TRERF1: variants seen among roughly 807,000 people sequenced by gnomAD.
TRERF1 encodes the protein transcriptional regulating factor 1.
TRERF1 carries 27 observed loss-of-function variants against 122.9 expected under a neutral mutation model. The ratio of observed to expected loss-of-function variants is 0.22; its 90% CI spans 0.16 to 0.30. The LOEUF (loss-of-function observed/expected upper bound fraction) is 0.30, where lower values mean the gene tolerates loss of function less well. Among genes scored for constraint, TRERF1 ranks in the 10% least tolerant of loss-of-function variants. The probability of loss-of-function intolerance (pLI) is 1.00; values close to 1 mark genes in which losing one functional copy is unlikely to be tolerated. For missense variants in TRERF1, 1,248 were observed against 1,560.3 expected, an observed-to-expected ratio of 0.80 and a Z score of 3.37; for synonymous variants, 636 against 641.7, an observed-to-expected ratio of 0.99 and a Z score of 0.13.
chr6:42,408,375 T>TTA (rs1421339377), intron 2 of TRERF1, among the ~76,000 whole-genome samples: 1 of 124,966 alleles, frequency 8.0e-6, no homozygotes, highest in Non-Finnish European at 1.7e-5. Context: ...ATATATATCT[T>TTA]TTTTTTTTTT....
At chr6:42,236,270 G>A in exon 16 of TRERF1, 6 of 1,612,816 alleles carry the variant, frequency 3.7e-6, no homozygotes, top group Non-Finnish European at 5.1e-6. Context: ...TGCAGGGGCG[G>A]CCCCTCCGTG....
chr6:42,268,854 T>G lies in TRERF1; in HGVS notation c.737A>C (p.Gln246Pro). 6.2e-7 allele frequency: 1 copy of G among 1,614,148 alleles called. No homozygotes were observed. Among genetic ancestry groups the G allele is most frequent in the Non-Finnish European group, 8.5e-7 (1 of 1,180,014 alleles). Residue 246 changes from glutamine (Q) to proline (P), a missense_variant, in exon 5 of 18, where the codon CAG (glutamine) becomes CCG (proline). This residue lies in a region of TRERF1 where 946 missense variants were observed against 1,073.0 expected (regional missense o/e 0.88). Transcript: ENST00000372922. This position sits in a 1 kb window ranked among gnomAD's most constrained non-coding sequence, Gnocchi z 4.4. Reference sequence around the variant, plus strand: ...TGGGGCCTGCAGTGGCTGTCCTCCCTGCACTGGCACCTGAGCCAGAGGCTG... The same window carrying G: ...TGGGGCCTGCAGTGGCTGTCCTCCCGGCACTGGCACCTGAGCCAGAGGCTG...
chr6:42,416,901 TG>T (rs1363912835), intron 2 of TRERF1, among the ~76,000 whole-genome samples: 2 of 152,158 alleles, frequency 1.3e-5, no homozygotes, highest in African/African-American at 4.8e-5. Context: ...TTTTTGTGTG[TG>T]TTTTTTTTAA....
intron 3 of TRERF1, among the ~76,000 whole-genome samples, chr6:42,319,870 A>G (rs1763110996): frequency 6.7e-6 from 1 of 150,138 alleles, no homozygotes; most frequent in African/African-American, 2.4e-5. Flanking sequence ...AATGCTATAT[A>G]TTATATTAAA....
chr6:42,382,814 G>GT (rs1195776355), intron 2 of TRERF1, among the ~76,000 whole-genome samples: 3 of 151,994 alleles, frequency 2.0e-5, no homozygotes, highest in African/African-American at 7.3e-5. Context: ...AGGATGTTTA[G>GT]TAGCATCCCT....
In TRERF1 at chr6:42,316,060, A is replaced by G. The variant is rs148017742; in HGVS notation, c.-370-15311T>C. The stretch of plus-strand genomic sequence containing the variant: ...TCTCTGCTCCACTGGGGGTGGGGGC[A>G]CCTGGACGTCAGGCTGCCTGGCTAA... On this transcript the variant is annotated intron_variant, in intron 3 of 17. Transcript: ENST00000372922. 2.7e-4 allele frequency among the ~76,000 whole-genome samples: 41 copies of G among 152,266 alleles called. 1 individual carries two copies. In the East Asian group the frequency reaches 7.7e-3, roughly 29 times the overall value.
intron 14 of TRERF1, among the ~76,000 whole-genome samples, chr6:42,243,782 G>A (rs1774212009): frequency 6.6e-6 from 1 of 151,114 alleles, no homozygotes; most frequent in Non-Finnish European, 1.5e-5. Flanking sequence ...GGGTTTCATT[G>A]TGTTAGCCAG....
rs1554134255 is a variant in TRERF1 at position 42,262,601 on chromosome 6, C to CAGAGAGAGAGAGAGAGAGAGAGAGAG, written c.1884+718_1884+719insCTCTCTCTCTCTCTCTCTCTCTCTCT. The stretch of plus-strand genomic sequence containing the variant: ...AGAGAGAGAGAGAGAGAGAGAGAGA[C>CAGAGAGAGAGAGAGAGAGAGAGAGAG]AGACAGACGGAAACCCTTCCCAGAG... On this transcript the variant is annotated intron_variant, in intron 8 of 17. Transcript: ENST00000372922. Among the ~76,000 whole-genome samples the CAGAGAGAGAGAGAGAGAGAGAGAGAG allele has an allele frequency of 2.2e-4, 13 of 59,130 alleles. 3 individuals carry two copies. The highest frequency in any genetic ancestry group is 6.5e-4 in the African/African-American group (8 of 12,266). The allele number at this position is 59,130 out of a possible 152,430, so 38.8% of individuals were successfully genotyped here. A position where few individuals can be genotyped will look rare whatever the true frequency, so the allele number is the denominator to read the frequency against.
At chr6:42,430,077 A>G (rs1784257885) in intron 2 of TRERF1, among the ~76,000 whole-genome samples, 1 of 150,524 alleles carries the variant, frequency 6.6e-6, no homozygotes, top group Admixed American at 6.7e-5. Flanking sequence ...GCTGGAGAGG[A>G]GGAATGAGGA....
intron 2 of TRERF1, among the ~76,000 whole-genome samples, chr6:42,398,926 G>T (rs931431852): frequency 6.6e-6 from 1 of 152,330 alleles, no homozygotes; most frequent in African/African-American, 2.4e-5. Context: ...AGAAATACTG[G>T]CCTGGAACCT....
intron 3 of TRERF1, among the ~76,000 whole-genome samples, chr6:42,336,964 G>C (rs936441210): frequency 6.6e-6 from 1 of 152,222 alleles, no homozygotes; most frequent in African/African-American, 2.4e-5. Flanking sequence ...TCTAGCAAGC[G>C]CCAGAGAGAG....
intron 2 of TRERF1, among the ~76,000 whole-genome samples, chr6:42,387,917 C>T (rs1777077837): frequency 6.6e-6 from 1 of 152,148 alleles, no homozygotes; most frequent in South Asian, 2.1e-4. Flanking sequence ...AAGCCATCCT[C>T]CCATCTCAGC....
chr6:42,281,659 T>C (rs1782323405), intron 4 of TRERF1, among the ~76,000 whole-genome samples: 1 of 152,076 alleles, frequency 6.6e-6, no homozygotes, highest in African/African-American at 2.4e-5. Context: ...GATGCCTGCT[T>C]AAGAGTGCCC....
At chr6:42,331,672 C>G (rs1765260673) in intron 3 of TRERF1, among the ~76,000 whole-genome samples, 1 of 152,176 alleles carries the variant, frequency 6.6e-6, no homozygotes, top group Non-Finnish European at 1.5e-5. Flanking sequence ...GAATCAGACA[C>G]TAATTAGCCA....
Position 42,445,267 on chromosome 6 carries a change from C to CA in TRERF1, c.-454+5909dup, listed in dbSNP as rs35676953. Among the ~76,000 whole-genome samples, 54 of 131,196 alleles carry CA rather than the reference C, an allele frequency of 4.1e-4. 1 individual carries two copies. The highest frequency in any genetic ancestry group is 1.1e-3 in the African/African-American group (37 of 34,240). The allele number at this position is 131,196 out of a possible 152,430, so 86.1% of individuals were successfully genotyped here. ...TGGACAACAGAGCAAGACTCCATCT[C>CA]AAAAAAAAAAAAAACAAAAAACGAT... On this transcript the variant is annotated intron_variant, in intron 2 of 17. Coordinates refer to ENST00000372922, the Ensembl canonical transcript of TRERF1.
At position 42,393,687 on chromosome 6, in the gene TRERF1, G is replaced by T. The variant is rs186373977; in HGVS notation, c.-453-30608C>A. On this transcript the variant is annotated intron_variant, in intron 2 of 17. Transcript: ENST00000372922. This position sits in a 1 kb window ranked among gnomAD's most constrained non-coding sequence, Gnocchi z 4.1. ...ATTAGGTGAATGAGCAAAAGAAATGGAAGGCAATTTAGATGACTAAATATA... is the reference window on the plus strand; with the variant it reads ...ATTAGGTGAATGAGCAAAAGAAATGTAAGGCAATTTAGATGACTAAATATA... Among the ~76,000 whole-genome samples, 1 of 152,308 alleles carries T rather than the reference G, an allele frequency of 6.6e-6. No individual in the cohort carries two copies. Among genetic ancestry groups the T allele is most frequent in the Non-Finnish European group, 1.5e-5 (1 of 68,026 alleles).
At chr6:42,439,453 G>A (rs751473172) in intron 2 of TRERF1, among the ~76,000 whole-genome samples, 2 of 152,078 alleles carry the variant, frequency 1.3e-5, no homozygotes, top group Non-Finnish European at 2.9e-5. Context: ...GCACAGTGGC[G>A]GGCACCTGTA....
chr6:42,297,948 T>C (rs982981091), intron 4 of TRERF1, among the ~76,000 whole-genome samples: 7 of 152,162 alleles, frequency 4.6e-5, no homozygotes, highest in African/African-American at 1.7e-4. Context: ...ATAAAATTTC[T>C]AAATAGCAAA....
chr6:42,359,592 C>A (rs187230756), intron 3 of TRERF1, among the ~76,000 whole-genome samples: 2 of 152,136 alleles, frequency 1.3e-5, no homozygotes, highest in East Asian at 3.9e-4. Context: ...GGCGCGGTGG[C>A]GTGCGCCTGC....
Sources: allele counts gnomAD v4.1 joint callset (sites outside exome capture counted in the v4.1 genomes callset), GRCh38; gene constraint gnomAD v4.1.1; regional missense constraint gnomAD v4.1.1; non-coding constraint Gnocchi (gnomAD v3.1); transcripts MANE v1.5; gene names NCBI Gene and HGNC (gene_info 2026-07-23, HGNC 2026-07-21).